Variants in ENPP2 observed in about 807,000 individuals in gnomAD.
ENPP2 encodes ectonucleotide pyrophosphatase/phosphodiesterase 2, also known as autotaxin.
In ENPP2, 51 loss-of-function variants were observed where a neutral mutation model predicts 120.2. That is an observed-to-expected ratio of 0.42 (90% confidence interval 0.34 to 0.54). The LOEUF (loss-of-function observed/expected upper bound fraction) is 0.54, where lower values mean the gene tolerates loss of function less well. ENPP2 is among the 20% of genes least tolerant of loss of function. The probability of loss-of-function intolerance (pLI) is 0.04; values close to 1 mark genes in which losing one functional copy is unlikely to be tolerated. For missense variants in ENPP2, 920 were observed against 1,066.5 expected, an observed-to-expected ratio of 0.86 and a Z score of 1.91; for synonymous variants, 365 against 366.4, an observed-to-expected ratio of 1.00 and a Z score of 0.04.
chr8:119,662,980 G>A (rs11785712), intron 1 of ENPP2, among the ~76,000 whole-genome samples: 11,004 of 152,056 alleles, frequency 0.072, 564 homozygotes, highest in Middle Eastern at 0.18. Flanking sequence ...GGCCAGGTGT[G>A]ATGGCACACA....
intron 1 of ENPP2, among the ~76,000 whole-genome samples, chr8:119,667,196 T>C (rs1000741042): frequency 6.6e-6 from 1 of 152,170 alleles, no homozygotes; most frequent in African/African-American, 2.4e-5. Context: ...AGCTCAGATA[T>C]GTGAACTTTA....
chr8:119,616,430 C>A (rs1815465082), intron 7 of ENPP2, 46 bp from the exon 8 acceptor site: 17 of 1,424,114 alleles, frequency 1.2e-5, no homozygotes, highest in Non-Finnish European at 1.7e-5. Context: ...ATACAATAAT[C>A]CACATACATT....
chr8:119,596,516 C>A (rs1813905968), intron 11 of ENPP2, among the ~76,000 whole-genome samples: 1 of 152,192 alleles, frequency 6.6e-6, no homozygotes, highest in Non-Finnish European at 1.5e-5. Flanking sequence ...AAGCAACTGT[C>A]ACCTTCATTG....
At chr8:119,654,893 C>T (rs1416689234) in intron 1 of ENPP2, among the ~76,000 whole-genome samples, 1 of 152,154 alleles carries the variant, frequency 6.6e-6, no homozygotes, top group Non-Finnish European at 1.5e-5. Context: ...TCTCAGAGAG[C>T]TGAGTCCTCT....
chr8:119,608,826 G>C (rs1814901264), intron 8 of ENPP2, among the ~76,000 whole-genome samples: 1 of 152,106 alleles, frequency 6.6e-6, no homozygotes, highest in Non-Finnish European at 1.5e-5. Flanking sequence ...CCTTAAACCA[G>C]TGTCTTAACA....
chr8:119,577,108 T>A (rs548674393), intron 19 of ENPP2, among the ~76,000 whole-genome samples: 1 of 152,220 alleles, frequency 6.6e-6, no homozygotes, highest in African/African-American at 2.4e-5. Context: ...ATTAAAACAG[T>A]CACATATAAA....
chr8:119,572,173 A>C (rs1373667051), intron 19 of ENPP2: 1 of 1,547,740 alleles, frequency 6.5e-7, no homozygotes, highest in South Asian at 1.2e-5. Flanking sequence ...ACTCAAACCA[A>C]ACCTTTTCTA....
intron 1 of ENPP2, among the ~76,000 whole-genome samples, chr8:119,648,097 G>A (rs946943166): frequency 6.6e-6 from 1 of 152,160 alleles, no homozygotes; most frequent in Non-Finnish European, 1.5e-5. Flanking sequence ...TAAAACATGA[G>A]TTTCTTTTAA....
chr8:119,563,096 G>T, intron 23 of ENPP2, 83 bp from the exon 24 acceptor site: 1 of 1,174,174 alleles, frequency 8.5e-7, no homozygotes. Context: ...AATGAATATT[G>T]CCTAAGTCAC....
chr8:119,597,674 G>A (rs1199685038), intron 11 of ENPP2, among the ~76,000 whole-genome samples: 2 of 152,166 alleles, frequency 1.3e-5, no homozygotes, highest in African/African-American at 4.8e-5. Flanking sequence ...AGCCGAACAA[G>A]GGGTCACAGA....
At chr8:119,640,731 G>GT (rs1362796099), upstream of ENPP2, among the ~76,000 whole-genome samples, 14 of 151,812 alleles carry the variant, frequency 9.2e-5, no homozygotes, top group South Asian at 2.1e-4. Context: ...CTATTTCTTT[G>GT]TTTTTTTGTT....
chr8:119,638,654 T>C, intron 1 of ENPP2, 94 bp downstream of exon 1: 1 of 1,008,118 alleles, frequency 9.9e-7, no homozygotes, highest in East Asian at 2.4e-5. Context: ...CATAATAAGG[T>C]GCTATCTTAA....
intron 9 of ENPP2, among the ~76,000 whole-genome samples, chr8:119,602,868 G>A (rs991049957): frequency 4.6e-5 from 7 of 152,180 alleles, no homozygotes; most frequent in African/African-American, 1.7e-4. Context: ...ACTCTCAGTG[G>A]ACATGAGCAG....
chr8:119,654,459 CTT>C (rs2130881826), intron 1 of ENPP2, among the ~76,000 whole-genome samples: 1 of 144,378 alleles, frequency 6.9e-6, no homozygotes, highest in African/African-American at 2.5e-5. Context: ...TATTTATAAA[CTT>C]AATATAAATT....
chr8:119,595,870 C>G (rs1006905483), intron 11 of ENPP2: 2 of 1,613,928 alleles, frequency 1.2e-6, no homozygotes, highest in Non-Finnish European at 1.7e-6. Flanking sequence ...GTTTCCGCAG[C>G]ATAATGATCC....
chr8:119,673,108 G>A, intron 1 of ENPP2: 7 of 664,836 alleles, frequency 1.1e-5, no homozygotes, highest in Non-Finnish European at 2.6e-6. Context: ...TGCTCCAGCT[G>A]AGTGCACGGG....
At chr8:119,629,948 C>A (rs538011909) in intron 2 of ENPP2, among the ~76,000 whole-genome samples, 3 of 152,144 alleles carry the variant, frequency 2.0e-5, no homozygotes, top group Non-Finnish European at 2.9e-5. Context: ...TTCATTCCCA[C>A]GAGCTGCTTA....
At chr8:119,592,966 C>T (rs1221171603) in intron 12 of ENPP2, 3 of 982,552 alleles carry the variant, frequency 3.1e-6, no homozygotes, top group East Asian at 2.3e-4. Context: ...AATTTTCATC[C>T]TCCGAACTCC....
chr8:119,585,574 T>C (rs1813046966), intron 15 of ENPP2, among the ~76,000 whole-genome samples: 1 of 152,212 alleles, frequency 6.6e-6, no homozygotes, highest in Admixed American at 6.5e-5. Context: ...CAGGTCTGTG[T>C]GAAAATGGAT....
Sources: allele counts gnomAD v4.1 joint callset (sites outside exome capture counted in the v4.1 genomes callset), GRCh38; gene constraint gnomAD v4.1.1; transcripts MANE v1.5; gene names NCBI Gene and HGNC (gene_info 2026-07-23, HGNC 2026-07-21).